Variants in NDUFS4 observed in about 807,000 individuals in gnomAD.
The protein encoded by NDUFS4 is NADH dehydrogenase [ubiquinone] iron-sulfur protein 4, mitochondrial.
NDUFS4 carries 28 observed loss-of-function variants against 24.3 expected under a neutral mutation model. That is an observed-to-expected ratio of 1.15 (90% confidence interval 0.85 to 1.58). The LOEUF (loss-of-function observed/expected upper bound fraction) is 1.58, where lower values mean the gene tolerates loss of function less well. Ranked by LOEUF, NDUFS4 falls within the 40% of genes most tolerant of loss-of-function variation. The pLI is 0.00. For missense variants in NDUFS4, 223 were observed against 207.9 expected (o/e 1.07, Z -0.45); for synonymous variants, 93 against 69.7 (o/e 1.34, Z -1.67).
chr5:53,629,681 A>T (rs981437919), intron 2 of NDUFS4, among the ~76,000 whole-genome samples: 2 of 152,070 alleles, frequency 1.3e-5, no homozygotes, highest in African/African-American at 4.8e-5. Context: ...AGTCTGTTTT[A>T]TCAGAGACTA....
At chr5:53,574,291 A>G (rs1473466383) in intron 1 of NDUFS4, among the ~76,000 whole-genome samples, 1 of 152,198 alleles carries the variant, frequency 6.6e-6, no homozygotes, top group African/African-American at 2.4e-5. Context: ...GTTTTCATCA[A>G]GAATGGATGT....
At chr5:53,633,674 G>A (rs966254261) in intron 2 of NDUFS4, among the ~76,000 whole-genome samples, 6 of 152,050 alleles carry the variant, frequency 3.9e-5, no homozygotes, top group African/African-American at 9.7e-5. Flanking sequence ...TTGTTAATCC[G>A]TCTTTTGTTT....
chr5:53,632,410 A>G (rs1035941522), intron 2 of NDUFS4, among the ~76,000 whole-genome samples: 2 of 152,164 alleles, frequency 1.3e-5, no homozygotes, highest in African/African-American at 4.8e-5. Flanking sequence ...GTGTTCAGCA[A>G]AATCTTTACT....
chr5:53,572,702 G>A (rs1749251707), intron 1 of NDUFS4, among the ~76,000 whole-genome samples: 1 of 150,412 alleles, frequency 6.6e-6, no homozygotes, highest in South Asian at 2.1e-4. Context: ...GGAGTGCAGT[G>A]GCGCAATCTT....
At chr5:53,583,059 A>C (rs1324849934) in intron 1 of NDUFS4, among the ~76,000 whole-genome samples, 2 of 151,996 alleles carry the variant, frequency 1.3e-5, no homozygotes, top group Non-Finnish European at 2.9e-5. Flanking sequence ...TTGTATTTTT[A>C]GTAGAGATGG....
intron 2 of NDUFS4, among the ~76,000 whole-genome samples, chr5:53,616,292 T>G (rs1296998340): frequency 2.0e-5 from 3 of 152,146 alleles, no homozygotes; most frequent in African/African-American, 7.2e-5. Flanking sequence ...TCCTTAGAGC[T>G]TATATTCTCA....
chr5:53,615,046 A>C (rs1169209629), intron 2 of NDUFS4, among the ~76,000 whole-genome samples: 3 of 151,962 alleles, frequency 2.0e-5, no homozygotes, highest in Non-Finnish European at 2.9e-5. Context: ...ATTATAAAGA[A>C]ACCATCAAAT....
At chr5:53,650,149 C>T (rs989914746) in intron 3 of NDUFS4, among the ~76,000 whole-genome samples, 21 of 152,256 alleles carry the variant, frequency 1.4e-4, no homozygotes, top group African/African-American at 4.3e-4. Context: ...TCCCCAGACT[C>T]ACCGTAGTAA....
At chr5:53,667,233 A>T (rs553973299) in intron 4 of NDUFS4, among the ~76,000 whole-genome samples, 28 of 152,086 alleles carry the variant, frequency 1.8e-4, no homozygotes, top group Middle Eastern at 6.8e-3. Flanking sequence ...TGGGAGGCTG[A>T]GGTGGGCGGA....
At chr5:53,667,295 G>A (rs895042498) in intron 4 of NDUFS4, among the ~76,000 whole-genome samples, 4 of 151,932 alleles carry the variant, frequency 2.6e-5, no homozygotes, top group African/African-American at 9.7e-5. Context: ...GAGAACCCTC[G>A]TCTCTACTAA....
rs1427596963 is a variant in NDUFS4 at position 53,675,320 on chromosome 5, G to T, written c.425-7798G>T. Among the ~76,000 whole-genome samples the T allele has an allele frequency of 2.0e-5, 3 of 151,656 alleles. No individual in the cohort carries two copies. The East Asian group carries it at 5.8e-4, about 29-fold the overall frequency. Reference sequence around the variant, plus strand: ...TGGGACTACAGGCGCCCGCCACCACGCCCAGCTAATTTTTTGTATTTTTAG... The same window carrying T: ...TGGGACTACAGGCGCCCGCCACCACTCCCAGCTAATTTTTTGTATTTTTAG... On this transcript the variant is annotated intron_variant, in intron 4 of 4. Transcript: ENST00000296684.
intron 1 of NDUFS4, among the ~76,000 whole-genome samples, chr5:53,591,443 CT>C (rs1254450452): frequency 1.2e-5 from 1 of 84,208 alleles, no homozygotes; most frequent in Non-Finnish European, 2.2e-5. Context: ...GTACTTGCTA[CT>C]TTTTGTTTGT....
intron 4 of NDUFS4, among the ~76,000 whole-genome samples, chr5:53,667,911 T>A (rs116203453): frequency 1.3e-5 from 2 of 152,350 alleles, no homozygotes; most frequent in African/African-American, 4.8e-5. Flanking sequence ...TTAAAGCCCA[T>A]GGGCTAGTTC....
intron 2 of NDUFS4, among the ~76,000 whole-genome samples, chr5:53,640,051 G>GAACAA (rs994033040): frequency 2.6e-5 from 4 of 151,892 alleles, no homozygotes; most frequent in African/African-American, 9.7e-5. Context: ...CCATCTAAGT[G>GAACAA]AACAAAACAT....
intron 4 of NDUFS4, among the ~76,000 whole-genome samples, chr5:53,659,199 T>C (rs1752255229): frequency 6.6e-6 from 1 of 152,150 alleles, no homozygotes; most frequent in South Asian, 2.1e-4. Flanking sequence ...TATATTTGCT[T>C]TTGGGGCAGC....
intron 2 of NDUFS4, among the ~76,000 whole-genome samples, chr5:53,630,399 G>A (rs552463120): frequency 6.6e-6 from 1 of 152,186 alleles, no homozygotes; most frequent in African/African-American, 2.4e-5. Context: ...GGTGTTCTCT[G>A]TATTTCCTCA....
intron 1 of NDUFS4, among the ~76,000 whole-genome samples, chr5:53,582,236 A>AAATT (rs1554054135): frequency 0.1 from 12,840 of 127,926 alleles, 680 homozygotes; most frequent in Middle Eastern, 0.16. Flanking sequence ...AAAATAAAAT[A>AAATT]AAATAAAATT....
intron 1 of NDUFS4, among the ~76,000 whole-genome samples, chr5:53,568,249 T>C (rs1227411242): frequency 6.6e-6 from 1 of 152,152 alleles, no homozygotes; most frequent in Non-Finnish European, 1.5e-5. Flanking sequence ...TTTAAACCCT[T>C]GTGCATCAAA....
intron 2 of NDUFS4, among the ~76,000 whole-genome samples, chr5:53,613,912 C>A (rs775754700): frequency 4.0e-5 from 6 of 151,862 alleles, no homozygotes; most frequent in African/African-American, 9.7e-5. Flanking sequence ...TCTTTTTGTA[C>A]TTTTTGTGTA....
Sources: allele counts gnomAD v4.1 joint callset (sites outside exome capture counted in the v4.1 genomes callset), GRCh38; gene constraint gnomAD v4.1.1; transcripts MANE v1.5; gene names NCBI Gene and HGNC (gene_info 2026-07-23, HGNC 2026-07-21).